CDH12: variants seen among roughly 807,000 people sequenced by gnomAD.
The protein encoded by CDH12 is cadherin 12, also known as cadherin-12.
In CDH12, 41 loss-of-function variants were observed where a neutral mutation model predicts 74.1. That is an observed-to-expected ratio of 0.55 (90% CI 0.43 to 0.72). The LOEUF (loss-of-function observed/expected upper bound fraction) is 0.72, where lower values mean the gene tolerates loss of function less well. Ranked by LOEUF, CDH12 falls within the 30% of genes least tolerant of loss-of-function variation. CDH12 has a pLI of 0.00. For synonymous variants in CDH12, 399 were observed against 355.0 expected, an observed-to-expected ratio of 1.12 and a Z score of -1.39; for missense variants, 945 against 977.2, an observed-to-expected ratio of 0.97 and a Z score of 0.44.
chr5:22,099,993 G>A (rs1744043609), intron 4 of CDH12, among the ~76,000 whole-genome samples: 1 of 152,022 alleles, frequency 6.6e-6, no homozygotes, highest in Non-Finnish European at 1.5e-5. Context: ...TCCCACTCTA[G>A]GTTCCCACGC....
chr5:21,948,569 C>T (rs1203944573), intron 6 of CDH12, among the ~76,000 whole-genome samples: 1 of 151,990 alleles, frequency 6.6e-6, no homozygotes, highest in Non-Finnish European at 1.5e-5. Flanking sequence ...TAGGCCAAAA[C>T]GTCTTGCCTT....
intron 5 of CDH12, among the ~76,000 whole-genome samples, chr5:22,047,983 C>T (rs919426428): frequency 6.6e-6 from 1 of 152,112 alleles, no homozygotes; most frequent in Non-Finnish European, 1.5e-5. Context: ...TGAGAGACTT[C>T]ATATTGTTTT....
At chr5:21,756,003 C>A (rs1001823384) in intron 13 of CDH12, among the ~76,000 whole-genome samples, 161 bp from the exon 14 acceptor site, 1 of 151,872 alleles carries the variant, frequency 6.6e-6, no homozygotes, top group Non-Finnish European at 1.5e-5. Flanking sequence ...AAAATATAAT[C>A]AAAATAATCC....
At chr5:22,019,631 G>T (rs1204275560) in intron 5 of CDH12, among the ~76,000 whole-genome samples, 1 of 152,152 alleles carries the variant, frequency 6.6e-6, no homozygotes, top group Admixed American at 6.5e-5. Context: ...CCCTCGCCAT[G>T]AACCAAACAC....
chr5:21,860,840 C>T (rs1751006423), intron 6 of CDH12, among the ~76,000 whole-genome samples: 1 of 151,718 alleles, frequency 6.6e-6, no homozygotes, highest in African/African-American at 2.4e-5. Flanking sequence ...GGTTTTGGGA[C>T]TTGAACTGGC....
rs1434690353 is a variant in CDH12, at chr5:22,698,128, T to TTTTTTC, written c.-523+154929_-523+154930insGAAAAA. Among the ~76,000 whole-genome samples, 334 of 138,734 alleles carry TTTTTTC rather than the reference T, an allele frequency of 2.4e-3. 9 individuals carry two copies. The highest frequency in any genetic ancestry group is 8.6e-3 in the African/African-American group (319 of 37,244). 91.0% of individuals were successfully genotyped at this position (138,734 alleles called of 152,430 possible). Reference sequence around the variant, plus strand: ...TGCCCGCATAAAGGCAGGGCTTTTTTTTTTTTTTTTGAGATGGAGTTTCTA... The same window carrying TTTTTTC: ...TGCCCGCATAAAGGCAGGGCTTTTTTTTTTTCTTTTTTTTTTGAGATGGAGTTTCTA... On this transcript the variant is annotated intron_variant, in intron 1 of 14. Coordinates refer to ENST00000382254, the MANE Select transcript of CDH12 (RefSeq NM_004061.5).
chr5:22,795,073 G>A (rs963111956), intron 1 of CDH12, among the ~76,000 whole-genome samples: 13 of 152,020 alleles, frequency 8.6e-5, no homozygotes, highest in Non-Finnish European at 1.9e-4. Flanking sequence ...GTATGATTTT[G>A]TATCACACCA....
At chr5:22,222,122 C>T (rs1175873005) in intron 3 of CDH12, among the ~76,000 whole-genome samples, 2 of 151,762 alleles carry the variant, frequency 1.3e-5, no homozygotes, top group Non-Finnish European at 2.9e-5. Context: ...GGTATAATGC[C>T]CTATTGAACA....
At chr5:22,620,008 A>C (rs577620262) in intron 1 of CDH12, among the ~76,000 whole-genome samples, 25 of 152,254 alleles carry the variant, frequency 1.6e-4, no homozygotes, top group Middle Eastern at 3.4e-3. Flanking sequence ...TAGAGAGCTC[A>C]GGAAATTATC....
At chr5:22,122,436 AC>A (rs1745572015) in intron 4 of CDH12, among the ~76,000 whole-genome samples, 1 of 151,162 alleles carries the variant, frequency 6.6e-6, no homozygotes. Context: ...AACAAACAAA[AC>A]TCTTTTCCTT....
intron 1 of CDH12, among the ~76,000 whole-genome samples, chr5:22,709,144 A>T (rs1743169419): frequency 6.6e-6 from 1 of 151,912 alleles, no homozygotes; most frequent in Non-Finnish European, 1.5e-5. Context: ...GGTGACGGGA[A>T]GAGAGAGAGT....
chr5:21,992,498 T>C (rs1757794751), intron 5 of CDH12, among the ~76,000 whole-genome samples: 1 of 151,832 alleles, frequency 6.6e-6, no homozygotes. Flanking sequence ...AGCTACTAAT[T>C]TATTATTATT....
At chr5:22,197,420 C>CT (rs1479113359) in intron 4 of CDH12, among the ~76,000 whole-genome samples, 1 of 152,146 alleles carries the variant, frequency 6.6e-6, no homozygotes, top group Non-Finnish European at 1.5e-5. Context: ...GCACTCCAGC[C>CT]TGGGCAACAG....
chr5:22,158,867 T>C (rs1266747152), intron 4 of CDH12, among the ~76,000 whole-genome samples: 1 of 152,098 alleles, frequency 6.6e-6, no homozygotes, highest in African/African-American at 2.4e-5. Flanking sequence ...TAGTGCTACA[T>C]ACAAATAATA....
intron 3 of CDH12, among the ~76,000 whole-genome samples, chr5:22,213,173 C>T (rs1751639814): frequency 6.6e-6 from 1 of 152,106 alleles, no homozygotes; most frequent in South Asian, 2.1e-4. Flanking sequence ...CATACTTCAA[C>T]CTTTGTCGAA....
chr5:22,256,388 C>T (rs557207421), intron 3 of CDH12, among the ~76,000 whole-genome samples: 61 of 152,220 alleles, frequency 4.0e-4, no homozygotes, highest in African/African-American at 1.2e-3. Flanking sequence ...TCTGTGGTGA[C>T]GCTGGTGCAA....
chr5:22,640,747 C>A (rs1189599263), intron 1 of CDH12, among the ~76,000 whole-genome samples: 1 of 152,164 alleles, frequency 6.6e-6, no homozygotes, highest in African/African-American at 2.4e-5. Context: ...ATGAGCACAA[C>A]ATGCAAAACC....
At chr5:22,652,215 T>G (rs899435950) in intron 1 of CDH12, among the ~76,000 whole-genome samples, 1 of 152,134 alleles carries the variant, frequency 6.6e-6, no homozygotes, top group African/African-American at 2.4e-5. Flanking sequence ...ATTAATTAAT[T>G]CATTATGTAA....
intron 4 of CDH12, among the ~76,000 whole-genome samples, chr5:22,175,896 C>A (rs1180545742): frequency 2.6e-5 from 4 of 152,152 alleles, no homozygotes; most frequent in Non-Finnish European, 2.9e-5. Flanking sequence ...CGGCCACTTC[C>A]TAAACCAAGA....
Sources: allele counts gnomAD v4.1 joint callset (sites outside exome capture counted in the v4.1 genomes callset), GRCh38; gene constraint gnomAD v4.1.1; transcripts MANE v1.5; gene names NCBI Gene and HGNC (gene_info 2026-07-23, HGNC 2026-07-21).